The following LHX9 variants were observed in gnomAD, a reference collection of about 807,000 sequenced individuals.
LHX9 encodes LIM/homeobox protein Lhx9.
A neutral mutation model predicts 36.5 loss-of-function variants in LHX9; 9 were observed. That is an observed-to-expected ratio of 0.25 (90% CI 0.15 to 0.43). The LOEUF is 0.43. Ranked by LOEUF, LHX9 falls within the 20% of genes least tolerant of loss-of-function variation. The probability of loss-of-function intolerance (pLI) is 1.00; values close to 1 mark genes in which losing one functional copy is unlikely to be tolerated. For synonymous variants in LHX9, 211 were observed against 212.1 expected, an observed-to-expected ratio of 0.99 and a Z score of 0.04; for missense variants, 464 against 526.4, an observed-to-expected ratio of 0.88 and a Z score of 1.16.
chr1:197,934,515 T>A lies in LHX9; in HGVS notation c.*5256T>A, dbSNP rs1400868555. On this transcript the variant is annotated 3_prime_UTR_variant, in exon 5 of 5. Transcript: ENST00000367387. ...AAAGCTAGCTTTACTTGTAGAGAGT[T>A]CGTGTACTCTTGAGCTCATTCAATA... The A allele has an allele frequency of 1.3e-5, 2 of 152,222 alleles. No individual in the cohort carries two copies. The highest frequency in any genetic ancestry group is 3.8e-4 in the East Asian group (2 of 5,202). The allele number at this position is 152,222 out of a possible 1,614,324, so 9.4% of individuals were successfully genotyped here. A position where few individuals can be genotyped will look rare whatever the true frequency, so the allele number is the denominator to read the frequency against.
chr1:197,934,375 G>C lies in LHX9; in HGVS notation c.*5116G>C, dbSNP rs780073520. On this transcript the variant is annotated 3_prime_UTR_variant, in exon 5 of 5. Coordinates refer to ENST00000367387, the MANE Select transcript of LHX9 (RefSeq NM_020204.3). ...AGCTCTGGAATGGAAATTTGGAATC[G>C]TGTCATTCTAGGCTCTTAAAGAGAA... 6.6e-6 allele frequency: 1 copy of C among 152,110 alleles called. No individual in the cohort carries two copies. The highest frequency in any genetic ancestry group is 2.4e-5 in the African/African-American group (1 of 41,422). The allele number at this position is 152,110 out of a possible 1,614,324, so 9.4% of individuals were successfully genotyped here. A position where few individuals can be genotyped will look rare whatever the true frequency, so the allele number is the denominator to read the frequency against.
At position 197,933,400 on chromosome 1, in the gene LHX9, C is replaced by CTATT. The variant is rs1660373912; in HGVS notation, c.*4143_*4146dup. 6.6e-6 allele frequency: 1 copy of CTATT among 152,080 alleles called. No individual in the cohort carries two copies. Among genetic ancestry groups the CTATT allele is most frequent in the East Asian group, 1.9e-4 (1 of 5,200 alleles). The allele number at this position is 152,080 out of a possible 1,614,324, so 9.4% of individuals were successfully genotyped here. ...AAAGCAATGCACCATGACAAGTAGA[C>CTATT]TATTTTGAGTGATCACAAATCATGC... On this transcript the variant is annotated 3_prime_UTR_variant, in exon 5 of 5. Coordinates refer to ENST00000367387, the MANE Select transcript of LHX9 (RefSeq NM_020204.3).
intron 4 of LHX9, among the ~76,000 whole-genome samples, chr1:197,928,750 A>G (rs1193127819): frequency 6.6e-6 from 1 of 152,120 alleles, no homozygotes; most frequent in Non-Finnish European, 1.5e-5. Context: ...GCACTTGTTA[A>G]TGCTACAGGG....
chr1:197,913,647 C>G (rs569970827), upstream of LHX9, among the ~76,000 whole-genome samples: 15 of 152,284 alleles, frequency 9.9e-5, no homozygotes, highest in South Asian at 3.1e-3. Context: ...CGCATGGTTC[C>G]CAGCCTCAGG....
chr1:197,914,368 G>T (rs952465024), upstream of LHX9, among the ~76,000 whole-genome samples: 15 of 151,228 alleles, frequency 9.9e-5, no homozygotes, highest in Non-Finnish European at 1.5e-5. Context: ...ACACTTGCGG[G>T]CCATTCAGAC....
chr1:197,923,026 C>T (rs895817620), intron 3 of LHX9, among the ~76,000 whole-genome samples: 3 of 152,168 alleles, frequency 2.0e-5, no homozygotes, highest in East Asian at 1.9e-4. Context: ...GATGAGTGGC[C>T]GCTCTCTCAG....
Position 197,921,723 on chromosome 1 carries a change from C to T in LHX9, c.733+64C>T. 7.5e-7 allele frequency: 1 copy of T among 1,326,236 alleles called. No individual in the cohort carries two copies. The highest frequency in any genetic ancestry group is 1.0e-6 in the Non-Finnish European group (1 of 983,670). The allele number at this position is 1,326,236 out of a possible 1,614,324, so 82.2% of individuals were successfully genotyped here. The stretch of plus-strand genomic sequence containing the variant: ...TCCCTGAGGAAAATTCGTAGAGCTC[C>T]TTCCCCGTCCAAAGTCTTGCTGCAA... On this transcript the variant is annotated intron_variant, in intron 3 of 4. Transcript: ENST00000367387. This position sits in a 1 kb window ranked among gnomAD's most constrained non-coding sequence, Gnocchi z 4.6.
At chr1:197,928,538 G>C (rs1185802033) in intron 4 of LHX9, among the ~76,000 whole-genome samples, 1 of 152,172 alleles carries the variant, frequency 6.6e-6, no homozygotes, top group Non-Finnish European at 1.5e-5. Flanking sequence ...TATACCGTGT[G>C]TTGGGCTCAC....
chr1:197,912,500 T>C (rs1659650190), upstream of LHX9: 3 of 1,613,740 alleles, frequency 1.9e-6, no homozygotes, highest in African/African-American at 2.7e-5. Flanking sequence ...GCAACCACCA[T>C]TACGGCGTGA....
chr1:197,917,691 C>T lies in LHX9; in HGVS notation c.-133C>T. 1 of 1,576,734 alleles carries T rather than the reference C, an allele frequency of 6.3e-7. No homozygotes were observed. Among genetic ancestry groups the T allele is most frequent in the Non-Finnish European group, 8.6e-7 (1 of 1,166,774 alleles). ...CCCCCCAAGCAGACCGATTTCCACT[C>T]CATCTGTTTCTTCTCCTCCTTTCTC... On this transcript the variant is annotated 5_prime_UTR_variant, in exon 1 of 5. Coordinates refer to ENST00000367387, the MANE Select transcript of LHX9 (RefSeq NM_020204.3).
In LHX9 at chr1:197,931,796, A is replaced by T; in HGVS notation, c.*2537A>T. The T allele has an allele frequency of 1.6e-6, 1 of 630,036 alleles. No homozygotes were observed. The highest frequency in any genetic ancestry group is 2.8e-6 in the Non-Finnish European group (1 of 362,550). The allele number at this position is 630,036 out of a possible 1,614,324, so 39.0% of individuals were successfully genotyped here. The stretch of plus-strand genomic sequence containing the variant: ...TGCATGGAACGAAACCTTAAATATG[A>T]TTAAGATTTCATGTTAGGTCTATTG... On this transcript the variant is annotated 3_prime_UTR_variant, in exon 5 of 5. Transcript: ENST00000367387.
upstream of LHX9, chr1:197,913,027 G>T (rs1466131803): frequency 6.3e-6 from 1 of 158,620 alleles, no homozygotes; most frequent in African/African-American, 2.4e-5. Context: ...CTAACCCAGC[G>T]CAGCCGTTTC....
Position 197,921,413 on chromosome 1 carries a change from A to T in LHX9, c.487A>T (p.Thr163Ser). The T allele has an allele frequency of 1.2e-6, 2 of 1,614,148 alleles. No homozygotes were observed. The highest frequency in any genetic ancestry group is 1.7e-6 in the Non-Finnish European group (2 of 1,180,032). The change falls in exon 3 of 5, where the codon ACT becomes TCT. Residue 163 changes from threonine to serine, a missense_variant. By Grantham distance (58) the Thr-to-Ser change is moderately conservative. Transcript: ENST00000367387. This position sits in a 1 kb window ranked among gnomAD's most constrained non-coding sequence, Gnocchi z 4.6. ...CCACCTGAGCTGCTTCACCTGCTCC[A>T]CTTGCAACAAGACTCTGACCACGGG... ...VYHLSCFTCS[T>S]CNKTLTTGDH...
upstream of LHX9, chr1:197,912,701 C>A: frequency 1.2e-6 from 1 of 862,132 alleles, no homozygotes; most frequent in Non-Finnish European, 2.0e-6. Flanking sequence ...TTAAACCGCG[C>A]TTCGTAGGCT....
At chr1:197,916,422 C>A (rs941698950), upstream of LHX9, 10 of 515,210 alleles carry the variant, frequency 1.9e-5, no homozygotes, top group Admixed American at 1.3e-4. Flanking sequence ...GGGAGAAGCA[C>A]GCGATGGGGC....
chr1:197,919,896 C>G, intron 1 of LHX9, 76 bp from the exon 2 acceptor site: 1 of 1,499,432 alleles, frequency 6.7e-7, no homozygotes, highest in Admixed American at 1.7e-5. Context: ...TGGGCTTGGT[C>G]TGCCTGGGGG....
rs1375828042 is a variant in LHX9 at position 197,933,501 on chromosome 1, C to G, written c.*4242C>G. On this transcript the variant is annotated 3_prime_UTR_variant, in exon 5 of 5. Coordinates refer to ENST00000367387, the MANE Select transcript of LHX9 (RefSeq NM_020204.3). ...AGCTATAGCAACTTAAATAGATTTT[C>G]CAATGCATTTCCAGCCAGTTTATTC... The G allele has an allele frequency of 6.6e-6, 1 of 152,070 alleles. No homozygotes were observed. The highest frequency in any genetic ancestry group is 2.4e-5 in the African/African-American group (1 of 41,398). The allele number at this position is 152,070 out of a possible 1,614,324, so 9.4% of individuals were successfully genotyped here.
chr1:197,930,131 A>T lies in LHX9; in HGVS notation c.*872A>T. The T allele has an allele frequency of 1.2e-6, 1 of 853,038 alleles. No homozygotes were observed. The highest frequency in any genetic ancestry group is 1.4e-6 in the Non-Finnish European group (1 of 709,414). The allele number at this position is 853,038 out of a possible 1,614,324, so 52.8% of individuals were successfully genotyped here. On this transcript the variant is annotated 3_prime_UTR_variant, in exon 5 of 5. Transcript: ENST00000367387. ...AATATAATGTTTTAAGAAGTAAAAAAATCAATATAATTTAATTAATAGCTC... is the reference window on the plus strand; with the variant it reads ...AATATAATGTTTTAAGAAGTAAAAATATCAATATAATTTAATTAATAGCTC...
chr1:197,920,269 C>A, intron 2 of LHX9, 95 bp downstream of exon 2: 1 of 1,242,848 alleles, frequency 8.0e-7, no homozygotes, highest in Non-Finnish European at 1.2e-6. Flanking sequence ...TACCTTTTGC[C>A]CCATTCCGGG....
Sources: allele counts gnomAD v4.1 joint callset (sites outside exome capture counted in the v4.1 genomes callset), GRCh38; gene constraint gnomAD v4.1.1; non-coding constraint Gnocchi (gnomAD v3.1); transcripts MANE v1.5; gene names NCBI Gene and HGNC (gene_info 2026-07-23, HGNC 2026-07-21).